Variants in DDX41 observed in about 807,000 individuals in gnomAD.
The protein encoded by DDX41 is DEAD-box helicase 41.
DDX41 carries 50 observed loss-of-function variants against 78.8 expected under a neutral mutation model. The observed-to-expected ratio is 0.63, with a 90% CI of 0.51 to 0.80. The LOEUF is 0.80. Among genes scored for constraint, DDX41 ranks in the 30% least tolerant of loss-of-function variants. DDX41 has a pLI of 0.00. For missense variants in DDX41, 633 were observed against 849.2 expected, an observed-to-expected ratio of 0.75 and a Z score of 3.16; for synonymous variants, 381 against 321.5, an observed-to-expected ratio of 1.19 and a Z score of -1.98.
At position 177,511,777 on chromosome 5, in the gene DDX41, G is replaced by T. The variant is rs755887286; in HGVS notation, c.*14C>A. ...GGGACTGAGGCCTCTTGGAGAGAAG[G>T]GAAGACTGTCGGCTCAGAAGTCCAT... On this transcript the variant is annotated 3_prime_UTR_variant, in exon 17 of 17. Coordinates refer to ENST00000330503, the MANE Select transcript of DDX41 (RefSeq NM_016222.4). The T allele has an allele frequency of 6.2e-7, 1 of 1,613,904 alleles. No individual in the cohort carries two copies. Among genetic ancestry groups the T allele is most frequent in the South Asian group, 1.1e-5 (1 of 91,088 alleles).
rs1164038104 is a variant in DDX41, at chr5:177,514,634, G to A, written c.935+67C>T. The A allele has an allele frequency of 8.4e-6, 13 of 1,552,942 alleles. No individual in the cohort carries two copies. The East Asian group carries it at 2.9e-4, about 35-fold the overall frequency. On this transcript the variant is annotated intron_variant, in intron 9 of 16. Coordinates refer to ENST00000330503, the MANE Select transcript of DDX41 (RefSeq NM_016222.4). This position sits in a 1 kb window ranked among gnomAD's most constrained non-coding sequence, Gnocchi z 4.2. ...AGATCTGTGGAGTGGCTAAGGTAAA[G>A]GGTCCTTTAGCTTTTCCACAGACTC...
rs1372338548 is a variant in DDX41, at chr5:177,514,136, T to C, written c.936-289A>G. The C allele has an allele frequency of 5.0e-6, 3 of 600,542 alleles. No homozygotes were observed. Among genetic ancestry groups the C allele is most frequent in the South Asian group, 3.0e-5 (2 of 65,850 alleles). 37.2% of individuals were successfully genotyped at this position (600,542 alleles called of 1,614,324 possible). ...TCCAGAGGCTTTACTCTGGGCTCGC[T>C]TTCCTGGCCCACTGGCTTCACCTTT... On this transcript the variant is annotated intron_variant, in intron 9 of 16. Transcript: ENST00000330503. The surrounding 1 kb of genome is among the most constrained non-coding windows in gnomAD (Gnocchi z 4.2).
rs1761022973 is a variant in DDX41 at position 177,512,596 on chromosome 5, C to T, written c.1449G>A (p.Lys483=). The part of the protein sequence containing the change: ...KAIEAFREGK[K]DVLVATDVAS... ...CAACGTCTGTGGCTACTAGGACATC[C>T]TTCTTGCCCTCCCGGAATGCCTCGA... Residue 483 remains lysine (K), a synonymous_variant, in exon 14 of 17, where the codon AAG becomes AAA. Coordinates refer to ENST00000330503, the MANE Select transcript of DDX41 (RefSeq NM_016222.4). 6.2e-7 allele frequency: 1 copy of T among 1,614,082 alleles called. No homozygotes were observed.
rs367638074 is a variant in DDX41, at chr5:177,512,215, G to A, written c.1622-9C>T. ...CATCAGCACTGACTCATCTGGGGGA[G>A]GAGTGGGGAAGCATCAGGGCCCATC... On this transcript the variant is annotated splice_polypyrimidine_tract_variant and intron_variant, in intron 15 of 16. Transcript: ENST00000330503. The A allele has an allele frequency of 6.2e-7, 1 of 1,613,830 alleles. No individual in the cohort carries two copies. Among genetic ancestry groups the A allele is most frequent in the East Asian group, 2.2e-5 (1 of 44,886 alleles).
rs1316889386 is a variant in DDX41, at chr5:177,515,938, A to G, written c.425T>C (p.Ile142Thr). 1 of 1,614,044 alleles carries G rather than the reference A, an allele frequency of 6.2e-7. No homozygotes were observed. ...MAKGITYDDP[I>T]KTSWTPPRYV... ...GACTGTACAGACATACCTGGTTTTG[A>G]TGGGGTCATCATACGTAATGCCCTT... The change falls in exon 5 of 17, where the codon ATC (isoleucine) becomes ACC (threonine). Residue 142 changes from isoleucine (I) to threonine (T), a missense_variant. Transcript: ENST00000330503.
Position 177,516,610 on chromosome 5 carries a change from G to A in DDX41, c.138+115C>T, listed in dbSNP as rs182299971. On this transcript the variant is annotated intron_variant, in intron 2 of 16. Coordinates refer to ENST00000330503, the MANE Select transcript of DDX41 (RefSeq NM_016222.4). The stretch of plus-strand genomic sequence containing the variant: ...TCGTTTGTCTGGGGGCCGCGCCCTG[G>A]TGTACTGAAGCTCACTCCTCAGACT... 1.2e-4 allele frequency: 168 copies of A among 1,370,648 alleles called. No individual in the cohort carries two copies. The East Asian group carries it at 3.6e-3, about 29-fold the overall frequency. The allele number at this position is 1,370,648 out of a possible 1,614,324, so 84.9% of individuals were successfully genotyped here.
Position 177,513,989 on chromosome 5 carries a change from G to C in DDX41, c.936-142C>G, listed in dbSNP as rs1310342039. On this transcript the variant is annotated intron_variant, in intron 9 of 16. Transcript: ENST00000330503. The surrounding 1 kb of genome is among the most constrained non-coding windows in gnomAD (Gnocchi z 4.6). ...CCCCTTCTCATCATTCCCACCACCT[G>C]CCCTATGTATAGCACACAGCTCTTT... 4.6e-6 allele frequency: 4 copies of C among 860,514 alleles called. No homozygotes were observed. The highest frequency in any genetic ancestry group is 7.4e-6 in the Non-Finnish European group (4 of 539,764). 53.3% of individuals were successfully genotyped at this position (860,514 alleles called of 1,614,324 possible). A position where few individuals can be genotyped will look rare whatever the true frequency, so the allele number is the denominator to read the frequency against.
chr5:177,511,767 T>G lies in DDX41; in HGVS notation c.*24A>C. The G allele has an allele frequency of 6.2e-7, 1 of 1,613,332 alleles. No individual in the cohort carries two copies. Among genetic ancestry groups the G allele is most frequent in the Non-Finnish European group, 8.5e-7 (1 of 1,179,494 alleles). On this transcript the variant is annotated 3_prime_UTR_variant, in exon 17 of 17. Coordinates refer to ENST00000330503, the MANE Select transcript of DDX41 (RefSeq NM_016222.4). ...GGCAGTCTTGGGGACTGAGGCCTCT[T>G]GGAGAGAAGGGAAGACTGTCGGCTC...
At position 177,516,068 on chromosome 5, in the gene DDX41, TG is replaced by T. The variant is rs761140793; in HGVS notation, c.373+50del. On this transcript the variant is annotated intron_variant, in intron 4 of 16. Transcript: ENST00000330503. ...CCTTGAGATATAACATGCCTGGGGCTGGGAGGAGAAGACTCAGTCCACCTTC... is the reference window on the plus strand; with the variant it reads ...CCTTGAGATATAACATGCCTGGGGCTGGAGGAGAAGACTCAGTCCACCTTC... 1.9e-6 allele frequency: 3 copies of T among 1,613,846 alleles called. No individual in the cohort carries two copies. The East Asian group carries it at 6.7e-5, about 36-fold the overall frequency.
chr5:177,515,686 T>C lies in DDX41; in HGVS notation c.570A>G (p.Ala190=). Reference sequence around the variant, plus strand: ...TATCTCTCTCCAGCCCCTGACTACCTGCAGGAAACTTCATTTCCTTGAAGC... The same window carrying C: ...TATCTCTCTCCAGCCCCTGACTACCCGCAGGAAACTTCATTTCCTTGAAGC... ...IKSFKEMKFP[A]AILRGLKKKG... The change falls in exon 6 of 17, where the codon GCA becomes GCG. Residue 190 remains alanine (A), a splice_region_variant and synonymous_variant. Coordinates refer to ENST00000330503, the MANE Select transcript of DDX41 (RefSeq NM_016222.4). 1.2e-6 allele frequency: 2 copies of C among 1,614,002 alleles called. No homozygotes were observed. Among genetic ancestry groups the C allele is most frequent in the Non-Finnish European group, 1.7e-6 (2 of 1,179,934 alleles).
Position 177,515,046 on chromosome 5 carries a change from C to T in DDX41, c.668G>A (p.Gly223Asp). 1 of 1,613,246 alleles carries T rather than the reference C, an allele frequency of 6.2e-7. No homozygotes were observed. The highest frequency in any genetic ancestry group is 8.5e-7 in the Non-Finnish European group (1 of 1,179,322). ...PTILSGRDMI[G>D]IAFTGSGKTL... ...CTTGCCTGAACCCGTGAAAGCGATGCCTATCATGTCACGGCCAGATAGACT... is the reference window on the plus strand; with the variant it reads ...CTTGCCTGAACCCGTGAAAGCGATGTCTATCATGTCACGGCCAGATAGACT... The change falls in exon 8 of 17, where the codon GGC becomes GAC. Residue 223 changes from glycine to aspartate, a missense_variant. By Grantham distance (94) the Gly-to-Asp change is moderately conservative (BLOSUM62 -1). Transcript: ENST00000330503.
chr5:177,516,461 C>T lies in DDX41; in HGVS notation c.139-14G>A, dbSNP rs766951587. 6.2e-7 allele frequency: 1 copy of T among 1,612,728 alleles called. No individual in the cohort carries two copies. The highest frequency in any genetic ancestry group is 8.5e-7 in the Non-Finnish European group (1 of 1,179,972). ...CAGCTTCTGGAGCTGAGGTTCCACC[C>T]GGGATCCACAGATAGGATGGGCATG... On this transcript the variant is annotated splice_polypyrimidine_tract_variant and intron_variant, in intron 2 of 16. Transcript: ENST00000330503.
chr5:177,516,429 G>A lies in DDX41; in HGVS notation c.157C>T (p.Arg53Ter). 2 of 1,613,676 alleles carry A rather than the reference G, an allele frequency of 1.2e-6. No individual in the cohort carries two copies. The highest frequency in any genetic ancestry group is 1.7e-6 in the Non-Finnish European group (2 of 1,180,036). Residue 53 changes from arginine (R) to a stop codon, truncating the protein, a stop_gained, in exon 3 of 17, where the codon CGA becomes TGA. Coordinates refer to ENST00000330503, the MANE Select transcript of DDX41 (RefSeq NM_016222.4). LOFTEE classifies it high-confidence loss of function. ...TCCTCCGCAGCTCCCTTGCGTCTTC[G>A]CTGCAGCAGCTTCTGGAGCTGAGGT... ...RQLLLQKLLQ[R>*]RRKGAAEEEQ...
Position 177,514,271 on chromosome 5 carries a change from G to A in DDX41, c.936-424C>T. 2.0e-6 allele frequency: 1 copy of A among 489,364 alleles called. No individual in the cohort carries two copies. Among genetic ancestry groups the A allele is most frequent in the East Asian group, 6.0e-5 (1 of 16,772 alleles). The allele number at this position is 489,364 out of a possible 1,614,324, so 30.3% of individuals were successfully genotyped here. A position where few individuals can be genotyped will look rare whatever the true frequency, so the allele number is the denominator to read the frequency against. On this transcript the variant is annotated intron_variant, in intron 9 of 16. Coordinates refer to ENST00000330503, the MANE Select transcript of DDX41 (RefSeq NM_016222.4). This position sits in a 1 kb window ranked among gnomAD's most constrained non-coding sequence, Gnocchi z 4.2. ...CCTGGTCCAGGGCCTCTGGTGGTCT[G>A]CAGAGGACTGCACAGCACTGAAAGG... is the stretch of plus-strand genomic sequence containing the variant.
Position 177,511,762 on chromosome 5 carries a change from C to A in DDX41, c.*29G>T. The A allele has an allele frequency of 4.4e-6, 7 of 1,603,820 alleles. No homozygotes were observed. Among genetic ancestry groups the A allele is most frequent in the Non-Finnish European group, 6.0e-6 (7 of 1,173,978 alleles). On this transcript the variant is annotated 3_prime_UTR_variant, in exon 17 of 17. Coordinates refer to ENST00000330503, the MANE Select transcript of DDX41 (RefSeq NM_016222.4). ...CTGGTGGCAGTCTTGGGGACTGAGG[C>A]CTCTTGGAGAGAAGGGAAGACTGTC...
chr5:177,516,891 C>T (rs777912271), intron 1 of DDX41, 28 bp downstream of exon 1: 1 of 1,613,346 alleles, frequency 6.2e-7, no homozygotes, highest in Admixed American at 1.7e-5. Flanking sequence ...CCCGCTCCCA[C>T]ACGCGCGGGG....
rs577104610 is a variant in DDX41, at chr5:177,511,997, G to A, written c.1733-70C>T. On this transcript the variant is annotated intron_variant, in intron 16 of 16. Coordinates refer to ENST00000330503, the MANE Select transcript of DDX41 (RefSeq NM_016222.4). ...CCATGCCCTGGACTTCGGGCCCCCC[G>A]TTAGGCACCCTCGGTCCACCGGTTT... 1.3e-4 allele frequency: 215 copies of A among 1,606,204 alleles called. 1 individual carries two copies. The Middle Eastern group carries it at 4.8e-3, about 36-fold the overall frequency.
chr5:177,516,472 G>A (rs752975513), intron 2 of DDX41, 25 bp from the exon 3 acceptor site: 10 of 1,611,624 alleles, frequency 6.2e-6, no homozygotes, highest in South Asian at 5.5e-5. Context: ...GGGATCCACA[G>A]ATAGGATGGG....
Position 177,512,378 on chromosome 5 carries a change from C to T in DDX41, c.1565G>A (p.Arg522His). 6.2e-7 allele frequency: 1 copy of T among 1,614,030 alleles called. No individual in the cohort carries two copies. Among genetic ancestry groups the T allele is most frequent in the Non-Finnish European group, 8.5e-7 (1 of 1,180,014 alleles). Reference protein sequence around the residue: ...EIENYVHRIGRTGRSGNTGIA... With the variant: ...EIENYVHRIGHTGRSGNTGIA... The stretch of plus-strand genomic sequence containing the variant: ...GCCTGTGTTTCCCGAGCGCCCGGTG[C>T]GGCCAATCCGGTGTACTGCAGAGAG... The change falls in exon 15 of 17, where the codon CGC (arginine) becomes CAC (histidine). Residue 522 changes from arginine (R) to histidine (H), a missense_variant. Physicochemically the swap from Arg to His is conservative, Grantham distance 29. This residue lies in a region of DDX41 where 185 missense variants were observed against 367.4 expected (regional missense o/e 0.50). Transcript: ENST00000330503.
Sources: gnomAD v4.1 joint callset for allele counts on GRCh38, gnomAD v4.1.1 for gene constraint, gnomAD v4.1.1 regional missense constraint, Gnocchi (gnomAD v3.1) non-coding constraint, MANE v1.5 for transcripts, NCBI Gene and HGNC (gene_info 2026-07-23, HGNC 2026-07-21) for gene names.